The following OTOF variants were observed in gnomAD, a reference collection of about 807,000 sequenced individuals.
OTOF encodes the protein fer-1-like family member 2.
OTOF carries 218 observed loss-of-function variants against 236.8 expected under a neutral mutation model. That is an observed-to-expected ratio of 0.92 (90% CI 0.82 to 1.03). OTOF has a LOEUF of 1.03. Ranked by LOEUF, OTOF falls within the 50% of genes least tolerant of loss-of-function variation. The pLI is 0.00. For missense variants in OTOF, 2,590 were observed against 2,694.4 expected (o/e 0.96, Z 0.86); for synonymous variants, 1,041 against 1,072.5 (o/e 0.97, Z 0.57).
rs1193313712 is a variant in OTOF at position 26,470,557 on chromosome 2, G to T, written c.4023+36C>A. On this transcript the variant is annotated intron_variant, in intron 32 of 46. Coordinates refer to ENST00000272371, the MANE Select transcript of OTOF (RefSeq NM_194248.3). This position sits in a 1 kb window ranked among gnomAD's most constrained non-coding sequence, Gnocchi z 4.3. ...CTGGACAGGAGGGTCTGAGTGTGGA[G>T]GGGGTCACCTCCCCTCACCCTACCC... 2.5e-6 allele frequency: 4 copies of T among 1,608,042 alleles called. No individual in the cohort carries two copies. The highest frequency in any genetic ancestry group is 2.7e-5 in the African/African-American group (2 of 74,780).
chr2:26,547,300 T>G (rs1667356190), intron 1 of OTOF, among the ~76,000 whole-genome samples: 2 of 152,218 alleles, frequency 1.3e-5, no homozygotes, highest in African/African-American at 4.8e-5. Context: ...AAATTAACAT[T>G]GCATTCCTGG....
At chr2:26,504,301 G>A (rs1456142847) in intron 5 of OTOF, among the ~76,000 whole-genome samples, 15 of 152,164 alleles carry the variant, frequency 9.9e-5, no homozygotes, top group Non-Finnish European at 2.2e-4. Context: ...GCATCAGAAC[G>A]GCGGGGCAGG....
rs1054521928 is a variant in OTOF, at chr2:26,474,638, G to T, written c.3163C>A (p.Pro1055Thr). 10 of 1,613,364 alleles carry T rather than the reference G, an allele frequency of 6.2e-6. No homozygotes were observed. The highest frequency in any genetic ancestry group is 8.5e-6 in the Non-Finnish European group (10 of 1,180,012). Residue 1055 changes from proline to threonine, a missense_variant, in exon 26 of 47, where the codon CCC becomes ACC. Pro to Thr is a conservative substitution (Grantham distance 38). This residue lies in a region of OTOF where 1,211 missense variants were observed against 1,352.8 expected (regional missense o/e 0.90). Coordinates refer to ENST00000272371, the MANE Select transcript of OTOF (RefSeq NM_194248.3). Reference protein sequence around the residue: ...ADFMGRTFAKPLVKMADEAYC... With the variant: ...ADFMGRTFAKTLVKMADEAYC... The stretch of plus-strand genomic sequence containing the variant: ...GCCTCGTCTGCCATCTTCACCAGGG[G>T]TTTGGCGAAGGTCCGGCCCATGAAG...
chr2:26,465,144 C>T, intron 38 of OTOF, 115 bp from the exon 39 acceptor site: 1 of 843,372 alleles, frequency 1.2e-6, no homozygotes, highest in Non-Finnish European at 1.8e-6. Context: ...AGCAAGTGAG[C>T]CTGATTCCTC....
Position 26,460,715 on chromosome 2 carries a change from T to A in OTOF, c.5745A>T (p.Thr1915=). The A allele has an allele frequency of 6.2e-7, 1 of 1,614,042 alleles. No homozygotes were observed. The highest frequency in any genetic ancestry group is 8.5e-7 in the Non-Finnish European group (1 of 1,179,984). The change falls in exon 45 of 47, where the codon ACA becomes ACT. Residue 1915 remains threonine (T), a synonymous_variant. Transcript: ENST00000272371. This position sits in a 1 kb window ranked among gnomAD's most constrained non-coding sequence, Gnocchi z 5.3. ...CTGGGTTCTTCTCTGCCTCCTCTGC[T>A]GTCAGTAAATGCAGCTCAGCCTCCA... ...GKVEAELHLL[T]AEEAEKNPVG...
intron 14 of OTOF, 33 bp downstream of exon 14, chr2:26,482,373 G>A: frequency 6.2e-7 from 1 of 1,602,332 alleles, no homozygotes; most frequent in Non-Finnish European, 8.5e-7. Context: ...CACTCCCTCT[G>A]CCCCCCAGCA....
At chr2:26,502,684 C>T (rs2148078962) in intron 6 of OTOF, among the ~76,000 whole-genome samples, 1 of 152,300 alleles carries the variant, frequency 6.6e-6, no homozygotes, top group South Asian at 2.1e-4. Context: ...TACTTAGGCA[C>T]TGAATATCTC....
intron 8 of OTOF, among the ~76,000 whole-genome samples, chr2:26,499,083 G>A (rs1051023687): frequency 6.6e-6 from 1 of 152,080 alleles, no homozygotes; most frequent in Non-Finnish European, 1.5e-5. Flanking sequence ...ATTAAGTCTT[G>A]GTGCCAGGAA....
chr2:26,459,368 C>A (rs1292896544), intron 46 of OTOF, among the ~76,000 whole-genome samples: 1 of 152,026 alleles, frequency 6.6e-6, no homozygotes, highest in East Asian at 1.9e-4. Context: ...CTGGCTAACA[C>A]AGTGAAACCC....
chr2:26,496,909 A>G (rs1033055768), intron 8 of OTOF, among the ~76,000 whole-genome samples: 3 of 152,124 alleles, frequency 2.0e-5, no homozygotes, highest in Non-Finnish European at 2.9e-5. Flanking sequence ...AACAGCAGAA[A>G]GCTCTACAAA....
At position 26,537,767 on chromosome 2, in the gene OTOF, G is replaced by A. The variant is rs1353469833; in HGVS notation, c.87C>T (p.Ser29=). ...RIAKVTFRGQ[S]FYSRVLENCE... ...AGTTCTCCAGGACCCGAGAGTAGAAGGATTGCCCTGTGGGGAAAGAGGAAA... is the reference window on the plus strand; with the variant it reads ...AGTTCTCCAGGACCCGAGAGTAGAAAGATTGCCCTGTGGGGAAAGAGGAAA... The change falls in exon 2 of 47, where the codon TCC becomes TCT. Residue 29 remains serine (S), a synonymous_variant. Coordinates refer to ENST00000272371, the MANE Select transcript of OTOF (RefSeq NM_194248.3). The A allele has an allele frequency of 3.9e-6, 6 of 1,553,482 alleles. No individual in the cohort carries two copies. The highest frequency in any genetic ancestry group is 2.6e-6 in the Non-Finnish European group (3 of 1,147,610).
intron 8 of OTOF, among the ~76,000 whole-genome samples, chr2:26,499,289 G>A (rs994844651): frequency 2.0e-5 from 3 of 152,004 alleles, no homozygotes; most frequent in Non-Finnish European, 4.4e-5. Flanking sequence ...AAAGAGCATG[G>A]GTACGCCGCG....
chr2:26,475,590 T>C, intron 24 of OTOF, 97 bp from the exon 25 acceptor site: 1 of 1,370,032 alleles, frequency 7.3e-7, no homozygotes, highest in Non-Finnish European at 1.0e-6. Context: ...CCACGGAACC[T>C]GGGGGCAGGA....
intron 39 of OTOF, 146 bp from the exon 40 acceptor site, chr2:26,464,252 A>C (rs575518887): frequency 3.8e-6 from 4 of 1,043,552 alleles, no homozygotes; most frequent in Non-Finnish European, 5.6e-6. Context: ...AAACTGAGGC[A>C]CAGAAGGAGA....
At position 26,470,517 on chromosome 2, in the gene OTOF, G is replaced by A; in HGVS notation, c.4023+76C>T. 2.1e-6 allele frequency: 3 copies of A among 1,430,800 alleles called. No individual in the cohort carries two copies. Among genetic ancestry groups the A allele is most frequent in the East Asian group, 2.3e-5 (1 of 43,946 alleles). 88.6% of individuals were successfully genotyped at this position (1,430,800 alleles called of 1,614,324 possible). A position where few individuals can be genotyped will look rare whatever the true frequency, so the allele number is the denominator to read the frequency against. On this transcript the variant is annotated intron_variant, in intron 32 of 46. Transcript: ENST00000272371. This position sits in a 1 kb window ranked among gnomAD's most constrained non-coding sequence, Gnocchi z 4.3. ...TGGAGTTGGGATCCAGCTCTTGGGG[G>A]CCGTGGGAAAGAAGCTGGACAGGAG...
At position 26,472,623 on chromosome 2, in the gene OTOF, G is replaced by A. The variant is rs765242160; in HGVS notation, c.3760C>T (p.Leu1254=). 1.2e-6 allele frequency: 2 copies of A among 1,613,258 alleles called. No homozygotes were observed. Among genetic ancestry groups the A allele is most frequent in the Admixed American group, 1.7e-5 (1 of 60,010 alleles). The change falls in exon 30 of 47, where the codon CTG becomes TTG. Residue 1254 remains leucine, a synonymous_variant. Coordinates refer to ENST00000272371, the MANE Select transcript of OTOF (RefSeq NM_194248.3). ...TVRLLRRCRV[L]CNGGSSSHST... is the part of the protein sequence containing the mutation. ...TGAGAGGAGGAGCCCCCATTGCACA[G>A]CACACGGCAGCGCCGGAGAAGCCTG...
chr2:26,537,710 T>A lies in OTOF; in HGVS notation c.138+6A>T. 2 of 1,551,696 alleles carry A rather than the reference T, an allele frequency of 1.3e-6. No individual in the cohort carries two copies. Among genetic ancestry groups the A allele is most frequent in the Non-Finnish European group, 1.7e-6 (2 of 1,146,294 alleles). ...CTGAGGGAGGGGGGAGTCTTGGGCC[T>A]CCTACCTCATCAAAGTCAGCCACAT... On this transcript the variant is annotated splice_donor_region_variant and intron_variant, in intron 2 of 46. Coordinates refer to ENST00000272371, the MANE Select transcript of OTOF (RefSeq NM_194248.3).
chr2:26,510,454 C>A (rs1324214636), intron 5 of OTOF, among the ~76,000 whole-genome samples: 1 of 152,066 alleles, frequency 6.6e-6, no homozygotes, highest in African/African-American at 2.4e-5. Context: ...AGGATGGTCA[C>A]CCCCGAGAGC....
intron 41 of OTOF, among the ~76,000 whole-genome samples, chr2:26,463,119 TG>T (rs1480636500): frequency 6.6e-6 from 1 of 152,012 alleles, no homozygotes; most frequent in Non-Finnish European, 1.5e-5. Context: ...GGCATGTGTG[TG>T]GGTGTCCGTG....
Sources: gnomAD v4.1 joint callset for allele counts (sites outside exome capture counted in the v4.1 genomes callset) on GRCh38, gnomAD v4.1.1 for gene constraint, gnomAD v4.1.1 regional missense constraint, Gnocchi (gnomAD v3.1) non-coding constraint, MANE v1.5 for transcripts, NCBI Gene and HGNC (gene_info 2026-07-23, HGNC 2026-07-21) for gene names.